CDC42BPA: variants seen among roughly 807,000 people sequenced by gnomAD.
CDC42BPA encodes the protein serine/threonine-protein kinase MRCK alpha.
Under a neutral mutation model 223.5 loss-of-function variants are expected in CDC42BPA, and 80 were observed. That is an observed-to-expected ratio of 0.36 (90% confidence interval 0.30 to 0.43). The LOEUF is 0.43. Among genes scored for constraint, CDC42BPA ranks in the 20% least tolerant of loss-of-function variants. CDC42BPA has a pLI of 1.00. For missense variants in CDC42BPA, 1,743 were observed against 2,099.9 expected, an observed-to-expected ratio of 0.83 and a Z score of 3.32; for synonymous variants, 694 against 718.6, an observed-to-expected ratio of 0.97 and a Z score of 0.55.
At chr1:227,225,481 C>T (rs1273284858) in intron 2 of CDC42BPA, among the ~76,000 whole-genome samples, 3 of 152,090 alleles carry the variant, frequency 2.0e-5, no homozygotes, top group Non-Finnish European at 2.9e-5. Context: ...CACTCCCTGG[C>T]CTCACAGAGA....
Position 227,304,400 on chromosome 1 carries a change from T to TA in CDC42BPA, c.178+12604dup, listed in dbSNP as rs1692200440. The stretch of plus-strand genomic sequence containing the variant: ...CAGCCTGGGCAACAAAGCAAGATTC[T>TA]ATCTCAAAAAAAAAACAAAAAAAGA... On this transcript the variant is annotated intron_variant, in intron 1 of 36. Coordinates refer to ENST00000366766, the MANE Select transcript of CDC42BPA (RefSeq NM_001394014.1). Among the ~76,000 whole-genome samples, 3 of 139,292 alleles carry TA rather than the reference T, an allele frequency of 2.2e-5. No homozygotes were observed. In the Admixed American group the frequency reaches 2.2e-4, roughly 10 times the overall value. The allele number at this position is 139,292 out of a possible 152,430, so 91.4% of individuals were successfully genotyped here. A position where few individuals can be genotyped will look rare whatever the true frequency, so the allele number is the denominator to read the frequency against.
chr1:227,028,825 G>A lies in CDC42BPA; in HGVS notation c.4264C>T (p.His1422Tyr), dbSNP rs1274683280. ...TGATGTGCAATAAATGATAGTGTATGGTCATTTGAATGGAGCATACTGTAT... is the reference window on the plus strand; with the variant it reads ...TGATGTGCAATAAATGATAGTGTATAGTCATTTGAATGGAGCATACTGTAT... Reference protein sequence around the residue: ...NPYSMLHSNDHTLSFIAHQPM... With the variant: ...NPYSMLHSNDYTLSFIAHQPM... The change falls in exon 30 of 37, where the codon CAT becomes TAT. Residue 1422 changes from histidine to tyrosine, a missense_variant. Around this residue, in one of 6 missense-constraint regions of CDC42BPA, gnomAD observed 678 missense variants for 777.5 expected, o/e 0.87. Transcript: ENST00000366766. 3.7e-6 allele frequency: 6 copies of A among 1,613,992 alleles called. No individual in the cohort carries two copies. Among genetic ancestry groups the A allele is most frequent in the Non-Finnish European group, 5.1e-6 (6 of 1,179,926 alleles).
chr1:226,996,869 T>C (rs1476152580), intron 35 of CDC42BPA, among the ~76,000 whole-genome samples: 1 of 152,240 alleles, frequency 6.6e-6, no homozygotes, highest in African/African-American at 2.4e-5. Flanking sequence ...TAGTATTTAA[T>C]TGAGGATTTT....
At position 227,031,298 on chromosome 1, in the gene CDC42BPA, C is replaced by T; in HGVS notation, c.3775G>A (p.Asp1259Asn). 2 of 1,606,574 alleles carry T rather than the reference C, an allele frequency of 1.2e-6. No homozygotes were observed. Among genetic ancestry groups the T allele is most frequent in the Non-Finnish European group, 1.7e-6 (2 of 1,173,350 alleles). ...IKTTQAAAII[D>N]HERIALGNEE... ...TATGATAAATGTTATAAATTCATAC[C>T]TATGATTGCGGCTGCCTGGGTTGTT... is the stretch of plus-strand genomic sequence containing the variant. The change falls in exon 28 of 37, where the codon GAT (aspartate) becomes AAT (asparagine). Residue 1259 changes from aspartate to asparagine, a missense_variant and splice_region_variant. Around this residue, in one of 6 missense-constraint regions of CDC42BPA, gnomAD observed 678 missense variants for 777.5 expected, o/e 0.87. Transcript: ENST00000366766.
intron 5 of CDC42BPA, chr1:227,183,249 T>A (rs1241320057): frequency 6.6e-6 from 1 of 152,340 alleles, no homozygotes; most frequent in East Asian, 1.9e-4. Context: ...GTGTATAGAT[T>A]CATGTAACTA....
chr1:227,212,891 T>C (rs750468502), intron 3 of CDC42BPA, among the ~76,000 whole-genome samples: 16 of 152,152 alleles, frequency 1.1e-4, no homozygotes, highest in Non-Finnish European at 1.8e-4. Flanking sequence ...CCTTTAAATA[T>C]AGCTGCATAA....
intron 1 of CDC42BPA, among the ~76,000 whole-genome samples, chr1:227,315,249 G>A (rs1694178019): frequency 6.7e-6 from 1 of 150,112 alleles, no homozygotes; most frequent in Non-Finnish European, 1.5e-5. Context: ...CATAAATGAG[G>A]TGTTCTTATA....
At chr1:227,170,727 C>A (rs1203539074) in intron 5 of CDC42BPA, among the ~76,000 whole-genome samples, 1 of 152,196 alleles carries the variant, frequency 6.6e-6, no homozygotes, top group Admixed American at 6.5e-5. Context: ...AGCAACAATT[C>A]AGGTGACCAC....
At chr1:227,272,456 A>T (rs571412971) in intron 1 of CDC42BPA, among the ~76,000 whole-genome samples, 1 of 152,354 alleles carries the variant, frequency 6.6e-6, no homozygotes, top group South Asian at 2.1e-4. Context: ...TAAGTTAAAA[A>T]GAAAAAATAC....
intron 12 of CDC42BPA, among the ~76,000 whole-genome samples, chr1:227,116,350 TAA>T (rs1006339472): frequency 6.6e-6 from 1 of 152,186 alleles, no homozygotes; most frequent in African/African-American, 2.4e-5. Context: ...GCACATTTAA[TAA>T]AGTCAGTATC....
chr1:227,040,333 A>T, intron 23 of CDC42BPA, 97 bp from the exon 24 acceptor site: 1 of 701,756 alleles, frequency 1.4e-6, no homozygotes, highest in African/African-American at 1.8e-5. Context: ...ATGTTTTCTA[A>T]ATAGGAATAG....
Position 227,074,382 on chromosome 1 carries a change from A to G in CDC42BPA, c.2481-18T>C, listed in dbSNP as rs1467113601. 1.3e-6 allele frequency: 2 copies of G among 1,561,666 alleles called. No individual in the cohort carries two copies. Among genetic ancestry groups the G allele is most frequent in the Non-Finnish European group, 1.7e-6 (2 of 1,144,250 alleles). ...CGCTGACCCTAGAATATATAAAGACAAAGTACAAAAGTAAAACAAAAAAGC... is the reference window on the plus strand; with the variant it reads ...CGCTGACCCTAGAATATATAAAGACGAAGTACAAAAGTAAAACAAAAAAGC... On this transcript the variant is annotated intron_variant, in intron 17 of 36. Coordinates refer to ENST00000366766, the MANE Select transcript of CDC42BPA (RefSeq NM_001394014.1).
At chr1:227,105,388 G>T (rs1230229376) in intron 14 of CDC42BPA, among the ~76,000 whole-genome samples, 5 of 126,926 alleles carry the variant, frequency 3.9e-5, no homozygotes, top group Non-Finnish European at 6.3e-5. Context: ...TTGAGACAGG[G>T]TCTCACTCTG....
chr1:227,295,758 A>G (rs1690542700), intron 1 of CDC42BPA, among the ~76,000 whole-genome samples: 1 of 152,210 alleles, frequency 6.6e-6, no homozygotes, highest in South Asian at 2.1e-4. Context: ...TATGGCCCTC[A>G]TGCCCTCATC....
At chr1:227,104,112 AAG>A (rs754245936) in intron 14 of CDC42BPA, among the ~76,000 whole-genome samples, 2 of 152,080 alleles carry the variant, frequency 1.3e-5, no homozygotes, top group Non-Finnish European at 2.9e-5. Flanking sequence ...TTAGCAAATA[AAG>A]AGAGAATTTA....
rs1488008960 is a variant in CDC42BPA, at chr1:227,005,165, T to A, written c.4858-54A>T. The A allele has an allele frequency of 2.6e-6, 3 of 1,158,182 alleles. No individual in the cohort carries two copies. The East Asian group carries it at 7.1e-5, about 27-fold the overall frequency. 71.7% of individuals were successfully genotyped at this position (1,158,182 alleles called of 1,614,324 possible). A position where few individuals can be genotyped will look rare whatever the true frequency, so the allele number is the denominator to read the frequency against. On this transcript the variant is annotated intron_variant, in intron 34 of 36. Transcript: ENST00000366766. ...TTAGCCAGAAAGAAACTGATTTTTC[T>A]GCAGAGATGTCTATTTTTCACTATA...
intron 2 of CDC42BPA, among the ~76,000 whole-genome samples, chr1:227,217,005 C>A (rs1674973341): frequency 6.6e-6 from 1 of 152,156 alleles, no homozygotes. Flanking sequence ...AAACTAGTTA[C>A]AAATTGCAGT....
chr1:227,073,535 T>A (rs1296433602), intron 19 of CDC42BPA, among the ~76,000 whole-genome samples: 1 of 152,122 alleles, frequency 6.6e-6, no homozygotes, highest in African/African-American at 2.4e-5. Flanking sequence ...TGTATTATTA[T>A]ACAAATATAA....
At chr1:227,250,983 T>A (rs1295268756) in intron 2 of CDC42BPA, among the ~76,000 whole-genome samples, 2 of 151,986 alleles carry the variant, frequency 1.3e-5, no homozygotes, top group African/African-American at 4.8e-5. Context: ...GGCCCAGGAA[T>A]TCAAGGCTGC....
Sources: allele counts gnomAD v4.1 joint callset (sites outside exome capture counted in the v4.1 genomes callset), GRCh38; gene constraint gnomAD v4.1.1; regional missense constraint gnomAD v4.1.1; transcripts MANE v1.5; gene names NCBI Gene and HGNC (gene_info 2026-07-23, HGNC 2026-07-21).